Variants in ERVFRD-1 observed in about 807,000 individuals in gnomAD.
ERVFRD-1 encodes endogenous retrovirus group FRD member 1, envelope.
A neutral mutation model predicts 43.8 loss-of-function variants in ERVFRD-1; 33 were observed. That is an observed-to-expected ratio of 0.75 (90% confidence interval 0.57 to 1.01). The LOEUF (loss-of-function observed/expected upper bound fraction) is 1.01. ERVFRD-1 is among the 50% of genes least tolerant of loss of function. The pLI, the probability that ERVFRD-1 is intolerant of heterozygous loss-of-function variation, is 0.00. For missense variants in ERVFRD-1, 568 were observed against 658.4 expected (o/e 0.86, Z 1.50); for synonymous variants, 239 against 244.4 (o/e 0.98, Z 0.21).
chr6:11,105,671 A>G (rs1000019683), intron 1 of ERVFRD-1, 41 bp from the exon 2 acceptor site: 4 of 198,164 alleles, frequency 2.0e-5, no homozygotes, highest in Non-Finnish European at 4.6e-5. Context: ...GGCCCTTTCA[A>G]ATAGGAGTTT....
chr6:11,104,361 C>T lies in ERVFRD-1; in HGVS notation c.950G>A (p.Cys317Tyr). 3.2e-6 allele frequency: 5 copies of T among 1,551,698 alleles called. No individual in the cohort carries two copies. Among genetic ancestry groups the T allele is most frequent in the Non-Finnish European group, 4.4e-6 (5 of 1,147,000 alleles). The change falls in exon 2 of 2, where the codon TGT becomes TAT. Residue 317 changes from cysteine to tyrosine, a missense_variant. Coordinates refer to ENST00000472091, the MANE Select transcript of ERVFRD-1 (RefSeq NM_207582.3). ...QCLPSNWTGT[C>Y]TIGYVTPDIF... ...GTCTGGGGTTACATAGCCTATGGTA[C>T]AAGTTCCAGTCCAGTTACTGGGGAG... is the stretch of plus-strand genomic sequence containing the variant.
At chr6:11,107,160 T>C (rs1336763758) in intron 1 of ERVFRD-1, among the ~76,000 whole-genome samples, 2 of 152,226 alleles carry the variant, frequency 1.3e-5, no homozygotes, top group African/African-American at 4.8e-5. Context: ...ATCTTTTAAA[T>C]CTTCCTGGCT....
intron 1 of ERVFRD-1, among the ~76,000 whole-genome samples, chr6:11,107,615 C>A (rs985759567): frequency 3.3e-5 from 5 of 152,106 alleles, no homozygotes; most frequent in African/African-American, 1.2e-4. Flanking sequence ...GGGGGAGATA[C>A]AAAAGAAAGA....
intron 1 of ERVFRD-1, among the ~76,000 whole-genome samples, chr6:11,111,333 G>A (rs905157915): frequency 3.3e-5 from 5 of 152,218 alleles, no homozygotes; most frequent in African/African-American, 1.2e-4. Flanking sequence ...AAAATAGGTG[G>A]TGGTGGGTTT....
chr6:11,108,435 C>T (rs1758120171), intron 1 of ERVFRD-1, among the ~76,000 whole-genome samples: 1 of 152,170 alleles, frequency 6.6e-6, no homozygotes, highest in African/African-American at 2.4e-5. Flanking sequence ...GTCCTGAGGG[C>T]CTTTCAGCTT....
chr6:11,104,270 C>T lies in ERVFRD-1; in HGVS notation c.1041G>A (p.Arg347=). Residue 347 remains arginine, a synonymous_variant, in exon 2 of 2, where the codon AGG becomes AGA. Coordinates refer to ENST00000472091, the MANE Select transcript of ERVFRD-1 (RefSeq NM_207582.3). ...GAATGAAATGGATTGCCCTCCTCAC[C>T]CTGGGCAACGGGGAATTCCCATAGA... The part of the protein sequence containing the change: ...IPIYGNSPLP[R]VRRAIHFIPL... The T allele has an allele frequency of 1.3e-6, 2 of 1,551,678 alleles. No homozygotes were observed. The highest frequency in any genetic ancestry group is 1.7e-6 in the Non-Finnish European group (2 of 1,146,996).
intron 1 of ERVFRD-1, among the ~76,000 whole-genome samples, chr6:11,106,882 T>A (rs1213471232): frequency 1.3e-5 from 2 of 152,230 alleles, no homozygotes; most frequent in African/African-American, 4.8e-5. Context: ...AGCTGTTAGG[T>A]ACACCCTCTC....
rs1758031651 is a variant in ERVFRD-1, at chr6:11,103,611, A to G, written c.*83T>C. The G allele has an allele frequency of 6.8e-7, 1 of 1,461,192 alleles. No individual in the cohort carries two copies. Among genetic ancestry groups the G allele is most frequent in the African/African-American group, 1.4e-5 (1 of 70,160 alleles). The allele number at this position is 1,461,192 out of a possible 1,614,324, so 90.5% of individuals were successfully genotyped here. A position where few individuals can be genotyped will look rare whatever the true frequency, so the allele number is the denominator to read the frequency against. On this transcript the variant is annotated 3_prime_UTR_variant, in exon 2 of 2. Transcript: ENST00000472091. Reference sequence around the variant, plus strand: ...AGGATGGCTCTGTGGATTGGCAAAAACCATATCCAGCCAGGTCCACGGGAG... The same window carrying G: ...AGGATGGCTCTGTGGATTGGCAAAAGCCATATCCAGCCAGGTCCACGGGAG...
chr6:11,107,605 G>A (rs1581913540), intron 1 of ERVFRD-1, among the ~76,000 whole-genome samples: 1 of 152,196 alleles, frequency 6.6e-6, no homozygotes, highest in African/African-American at 2.4e-5. Context: ...GATGGGTCGA[G>A]GGGGAGATAC....
intron 1 of ERVFRD-1, among the ~76,000 whole-genome samples, chr6:11,110,538 C>G (rs1758151485): frequency 6.6e-6 from 1 of 152,092 alleles, no homozygotes; most frequent in Non-Finnish European, 1.5e-5. Flanking sequence ...CTTTGAAGGT[C>G]CTGATACATA....
intron 1 of ERVFRD-1, among the ~76,000 whole-genome samples, chr6:11,106,146 CAA>C (rs1277126257): frequency 1.3e-5 from 2 of 152,186 alleles, no homozygotes; most frequent in Admixed American, 1.3e-4. Flanking sequence ...TGTCATTCTG[CAA>C]TGACCTGGGT....
At chr6:11,110,228 C>G (rs990148725) in intron 1 of ERVFRD-1, among the ~76,000 whole-genome samples, 6 of 152,184 alleles carry the variant, frequency 3.9e-5, no homozygotes, top group Non-Finnish European at 8.8e-5. Flanking sequence ...CTACCCTGAT[C>G]CCATCCCATT....
chr6:11,104,211 G>A lies in ERVFRD-1; in HGVS notation c.1100C>T (p.Thr367Met), dbSNP rs56130507. 2.0e-4 allele frequency: 305 copies of A among 1,551,632 alleles called. No individual in the cohort carries two copies. The highest frequency in any genetic ancestry group is 2.5e-4 in the Non-Finnish European group (283 of 1,146,962). ...TGTGATTCCAGCAATTCCGGTTCCC[G>A]TACCAGCTAGAATGCCGAGTCCCGC... is the stretch of plus-strand genomic sequence containing the variant. ...LLAGLGILAGTGTGIAGITKA... is the reference protein window; with the variant it reads ...LLAGLGILAGMGTGIAGITKA... Residue 367 changes from threonine to methionine, a missense_variant, in exon 2 of 2, where the codon ACG (threonine) becomes ATG (methionine). Transcript: ENST00000472091.
intron 1 of ERVFRD-1, among the ~76,000 whole-genome samples, chr6:11,110,472 C>A (rs1758150746): frequency 6.6e-6 from 1 of 152,156 alleles, no homozygotes; most frequent in African/African-American, 2.4e-5. Flanking sequence ...AGACGAGAAG[C>A]CTGTTTTTCT....
At chr6:11,109,811 G>A (rs1758141699) in intron 1 of ERVFRD-1, among the ~76,000 whole-genome samples, 1 of 152,130 alleles carries the variant, frequency 6.6e-6, no homozygotes. Flanking sequence ...CTAGTAGTGT[G>A]TCCTGTGGTA....
chr6:11,103,304 C>T lies in ERVFRD-1; in HGVS notation c.*390G>A. ...TGTTTCCTATCTATTGGGAGGCCAT[C>T]GTTCCCTGGCGCCAGCTGCCACTCA... On this transcript the variant is annotated 3_prime_UTR_variant, in exon 2 of 2. Transcript: ENST00000472091. 5.5e-6 allele frequency: 1 copy of T among 182,228 alleles called. No individual in the cohort carries two copies. The highest frequency in any genetic ancestry group is 5.4e-5 in the Admixed American group (1 of 18,464). 11.3% of individuals were successfully genotyped at this position (182,228 alleles called of 1,614,324 possible).
chr6:11,103,482 T>C lies in ERVFRD-1; in HGVS notation c.*212A>G. 1.5e-6 allele frequency: 1 copy of C among 657,220 alleles called. No individual in the cohort carries two copies. The highest frequency in any genetic ancestry group is 3.4e-5 in the South Asian group (1 of 29,648). The allele number at this position is 657,220 out of a possible 1,614,324, so 40.7% of individuals were successfully genotyped here. A position where few individuals can be genotyped will look rare whatever the true frequency, so the allele number is the denominator to read the frequency against. On this transcript the variant is annotated 3_prime_UTR_variant, in exon 2 of 2. Transcript: ENST00000472091. ...CCCTCAAGAGTCCAAGACCCAATTA[T>C]CTGGGAAAATGGACGAAGGTCAGTC...
At position 11,104,740 on chromosome 6, in the gene ERVFRD-1, G is replaced by A. The variant is rs758765949; in HGVS notation, c.571C>T (p.Arg191Trp). The A allele has an allele frequency of 2.4e-5, 38 of 1,614,068 alleles. No homozygotes were observed. Among genetic ancestry groups the A allele is most frequent in the East Asian group, 1.1e-4 (5 of 44,896 alleles). The change falls in exon 2 of 2, where the codon CGG becomes TGG. Residue 191 changes from arginine to tryptophan, a missense_variant. By Grantham distance (101) the Arg-to-Trp change is moderately radical. Transcript: ENST00000472091. ...GAGCTTGGGCGTCCCTGGCAAAACCGGCTGGATTTATCTAGCAAAGTTCCC... is the reference window on the plus strand; with the variant it reads ...GAGCTTGGGCGTCCCTGGCAAAACCAGCTGGATTTATCTAGCAAAGTTCCC... Reference protein sequence around the residue: ...PQGTLLDKSSRFCQGRPSSCS... With the variant: ...PQGTLLDKSSWFCQGRPSSCS...
At position 11,104,770 on chromosome 6, in the gene ERVFRD-1, G is replaced by A. The variant is rs201528012; in HGVS notation, c.541C>T (p.Pro181Ser). The change falls in exon 2 of 2, where the codon CCT (proline) becomes TCT (serine). Residue 181 changes from proline (P) to serine (S), a missense_variant. Physicochemically the swap from Pro to Ser is moderately conservative, Grantham distance 74. Coordinates refer to ENST00000472091, the MANE Select transcript of ERVFRD-1 (RefSeq NM_207582.3). ...GATTTATCTAGCAAAGTTCCCTGAG[G>A]AAAAGTAATATTTGGAGGTTTGGGG... ...RFPKPPNITF[P>S]QGTLLDKSSR... The A allele has an allele frequency of 3.7e-6, 6 of 1,614,198 alleles. No individual in the cohort carries two copies. The Admixed American group carries it at 6.7e-5, about 18-fold the overall frequency.
Sources: allele counts gnomAD v4.1 joint callset (sites outside exome capture counted in the v4.1 genomes callset), GRCh38; gene constraint gnomAD v4.1.1; transcripts MANE v1.5; gene names NCBI Gene and HGNC (gene_info 2026-07-23, HGNC 2026-07-21).